The following STXBP3 variants were observed in gnomAD, a reference collection of about 807,000 sequenced individuals.
STXBP3 encodes the protein syntaxin binding protein 3.
In STXBP3, 41 loss-of-function variants were observed where a neutral mutation model predicts 85.7. The ratio of observed to expected loss-of-function variants is 0.48; its 90% confidence interval spans 0.37 to 0.62. The LOEUF (loss-of-function observed/expected upper bound fraction) is 0.62. Among genes scored for constraint, STXBP3 ranks in the 20% least tolerant of loss-of-function variants. The pLI is 0.00. For synonymous variants in STXBP3, 229 were observed against 231.7 expected (o/e 0.99, Z 0.10); for missense variants, 563 against 703.1 (o/e 0.80, Z 2.25).
At chr1:108,747,624 A>G (rs1451279222) in intron 1 of STXBP3, among the ~76,000 whole-genome samples, 1 of 152,242 alleles carries the variant, frequency 6.6e-6, no homozygotes, top group Non-Finnish European at 1.5e-5. Flanking sequence ...ATTATGGCCT[A>G]GTAGTGGAAA....
chr1:108,757,645 A>G (rs546488112), intron 4 of STXBP3, among the ~76,000 whole-genome samples: 65 of 152,136 alleles, frequency 4.3e-4, no homozygotes, highest in African/African-American at 1.5e-3. Context: ...ATCAGTGGAT[A>G]ATGGAGCAGA....
At chr1:108,775,952 C>CACAT (rs1390755217) in intron 7 of STXBP3, among the ~76,000 whole-genome samples, 1 of 138,148 alleles carries the variant, frequency 7.2e-6, no homozygotes, top group African/African-American at 2.7e-5. Context: ...CACACACACA[C>CACAT]ATACATATGA....
chr1:108,776,282 A>G, intron 7 of STXBP3, 51 bp from the exon 8 acceptor site: 2 of 1,216,924 alleles, frequency 1.6e-6, no homozygotes, highest in South Asian at 1.7e-5. Context: ...TGATATTATA[A>G]AGTATACACT....
At chr1:108,808,210 A>G (rs1663384277) in intron 18 of STXBP3, among the ~76,000 whole-genome samples, 1 of 152,160 alleles carries the variant, frequency 6.6e-6, no homozygotes, top group Admixed American at 6.5e-5. Flanking sequence ...GCCTGTGTGG[A>G]ATTAAGTTTT....
chr1:108,748,072 CAGAT>C (rs1661829962), intron 1 of STXBP3, among the ~76,000 whole-genome samples: 1 of 152,146 alleles, frequency 6.6e-6, no homozygotes, highest in Admixed American at 6.5e-5. Context: ...GATCCTCATA[CAGAT>C]AAAGACATTG....
intron 11 of STXBP3, among the ~76,000 whole-genome samples, chr1:108,791,760 A>G (rs1329585170): frequency 2.0e-5 from 3 of 152,134 alleles, no homozygotes; most frequent in Non-Finnish European, 4.4e-5. Flanking sequence ...GATAGAGAAT[A>G]ATGTCATCAC....
At chr1:108,780,523 T>C (rs3006877) in intron 9 of STXBP3, 2 of 34,390 alleles carry the variant, frequency 5.8e-5, no homozygotes, top group Non-Finnish European at 1.4e-4. Context: ...TCCATCACAA[T>C]TTTTTTTTTT....
chr1:108,797,110 T>C (rs1323760488), intron 15 of STXBP3, among the ~76,000 whole-genome samples: 1 of 151,998 alleles, frequency 6.6e-6, no homozygotes, highest in Admixed American at 6.5e-5. Flanking sequence ...CCCAACACTC[T>C]GGGAGACGCT....
At chr1:108,752,515 A>G (rs1661926150) in intron 2 of STXBP3, among the ~76,000 whole-genome samples, 2 of 152,158 alleles carry the variant, frequency 1.3e-5, no homozygotes, top group Admixed American at 1.3e-4. Context: ...GATTTTTGGT[A>G]TACACAGGGG....
At chr1:108,753,268 A>G (rs1408535018) in intron 3 of STXBP3, 124 bp downstream of exon 3, 3 of 578,796 alleles carry the variant, frequency 5.2e-6, no homozygotes, top group Non-Finnish European at 8.4e-6. Context: ...AGCCATAACT[A>G]TTAGATTTAA....
At chr1:108,771,531 C>A (rs12735176) in intron 6 of STXBP3, among the ~76,000 whole-genome samples, 11 of 23,530 alleles carry the variant, frequency 4.7e-4, no homozygotes, top group African/African-American at 1.4e-3. Flanking sequence ...TGATATATAT[C>A]TATATATATC....
intron 15 of STXBP3, among the ~76,000 whole-genome samples, chr1:108,797,184 G>A (rs1312101636): frequency 1.3e-5 from 2 of 151,532 alleles, no homozygotes; most frequent in South Asian, 2.1e-4. Flanking sequence ...GTAAGACCTC[G>A]CCTCTACAAA....
At chr1:108,798,307 T>G in intron 16 of STXBP3, 70 bp downstream of exon 16, 2 of 1,298,342 alleles carry the variant, frequency 1.5e-6, no homozygotes, top group Non-Finnish European at 2.2e-6. Context: ...TTTTGTAGTT[T>G]ATGTCAGTCT....
intron 6 of STXBP3, among the ~76,000 whole-genome samples, chr1:108,765,598 G>A (rs1217476165): frequency 8.2e-5 from 5 of 61,108 alleles, no homozygotes; most frequent in South Asian, 4.1e-4. Flanking sequence ...TTTTTGAGAC[G>A]GAGTCTCATT....
At chr1:108,761,079 T>A (rs1235251670) in intron 6 of STXBP3, among the ~76,000 whole-genome samples, 1 of 151,942 alleles carries the variant, frequency 6.6e-6, no homozygotes, top group African/African-American at 2.4e-5. Flanking sequence ...AATTTTTTTG[T>A]ATTTTTAGAA....
chr1:108,776,315 C>T lies in STXBP3; in HGVS notation c.594-18C>T. ...ACTGAAAGAAAGATAATTGTTTGAT[C>T]CTTTTTTCCATTTCTAGTAAACCTC... On this transcript the variant is annotated intron_variant, in intron 7 of 18. Transcript: ENST00000370008. 6.4e-7 allele frequency: 1 copy of T among 1,562,244 alleles called. No homozygotes were observed. Among genetic ancestry groups the T allele is most frequent in the South Asian group, 1.2e-5 (1 of 85,544 alleles).
intron 11 of STXBP3, among the ~76,000 whole-genome samples, chr1:108,789,451 A>G (rs192407586): frequency 1.3e-5 from 2 of 152,248 alleles, no homozygotes; most frequent in African/African-American, 4.8e-5. Context: ...TTTTTCTTCT[A>G]GCTTCCTGAG....
chr1:108,805,212 C>G (rs1663303077), intron 17 of STXBP3, among the ~76,000 whole-genome samples: 1 of 152,118 alleles, frequency 6.6e-6, no homozygotes, highest in Non-Finnish European at 1.5e-5. Context: ...TGCCTTCTTA[C>G]TCTATTTCTC....
At chr1:108,775,003 C>T (rs914412640) in intron 7 of STXBP3, among the ~76,000 whole-genome samples, 34 of 152,000 alleles carry the variant, frequency 2.2e-4, no homozygotes, top group Middle Eastern at 3.4e-3. Context: ...TATTCCTTTA[C>T]GCTTTATAAA....
Sources: allele counts gnomAD v4.1 joint callset (sites outside exome capture counted in the v4.1 genomes callset), GRCh38; gene constraint gnomAD v4.1.1; transcripts MANE v1.5; gene names NCBI Gene and HGNC (gene_info 2026-07-23, HGNC 2026-07-21).